ZBTB16: variants seen among roughly 807,000 people sequenced by gnomAD.
ZBTB16 encodes zinc finger and BTB domain-containing protein 16.
In ZBTB16, 8 loss-of-function variants were observed where a neutral mutation model predicts 56.8. The observed-to-expected ratio is 0.14, with a 90% CI of 0.08 to 0.25. The LOEUF (loss-of-function observed/expected upper bound fraction) is 0.25. Ranked by LOEUF, ZBTB16 falls within the 10% of genes least tolerant of loss-of-function variation. The pLI is 1.00. For synonymous variants in ZBTB16, 363 were observed against 368.5 expected, an observed-to-expected ratio of 0.98 and a Z score of 0.17; for missense variants, 625 against 903.0, an observed-to-expected ratio of 0.69 and a Z score of 3.95.
Position 114,242,260 on chromosome 11 carries a change from G to A in ZBTB16, c.1547G>A (p.Arg516His), listed in dbSNP as rs747796091. 3.1e-6 allele frequency: 5 copies of A among 1,613,944 alleles called. No individual in the cohort carries two copies. The highest frequency in any genetic ancestry group is 1.7e-5 in the Admixed American group (1 of 60,012). Reference sequence around the variant, plus strand: ...CACATGGAGGTCCACGCGGGCGTGCGCAGCTACATCTGCAGTGAGTGCAAC... The same window carrying A: ...CACATGGAGGTCCACGCGGGCGTGCACAGCTACATCTGCAGTGAGTGCAAC... ...QQHMEVHAGV[R>H]SYICSECNRT... Residue 516 changes from arginine (R) to histidine (H), a missense_variant, in exon 5 of 7, where the codon CGC becomes CAC. By Grantham distance (29) the Arg-to-His change is conservative (BLOSUM62 0). Around this residue, in one of 6 missense-constraint regions of ZBTB16, gnomAD observed 140 missense variants for 214.8 expected, o/e 0.65. Coordinates refer to ENST00000335953, the MANE Select transcript of ZBTB16 (RefSeq NM_006006.6).
At position 114,143,925 on chromosome 11, in the gene ZBTB16, G is replaced by A. The variant is rs536512497; in HGVS notation, c.1269-12412G>A. On this transcript the variant is annotated intron_variant, in intron 2 of 6. Coordinates refer to ENST00000335953, the MANE Select transcript of ZBTB16 (RefSeq NM_006006.6). This position sits in a 1 kb window ranked among gnomAD's most constrained non-coding sequence, Gnocchi z 6.4. ...TTGGCCTCTGTGCTCGTTGGGCCTC[G>A]AGTCACTGGTATTATGCATTTCCTG... 1.4e-4 allele frequency among the ~76,000 whole-genome samples: 21 copies of A among 152,274 alleles called. No homozygotes were observed. Among genetic ancestry groups the A allele is most frequent in the African/African-American group, 3.9e-4 (16 of 41,544 alleles).
intron 2 of ZBTB16, among the ~76,000 whole-genome samples, chr11:114,114,979 G>A (rs1941126991): frequency 1.3e-5 from 2 of 152,120 alleles, no homozygotes; most frequent in South Asian, 2.1e-4. Flanking sequence ...CACTGTGCCT[G>A]GCCCAGGTCG....
At chr11:114,243,018 C>T (rs1447002592) in intron 5 of ZBTB16, among the ~76,000 whole-genome samples, 1 of 152,174 alleles carries the variant, frequency 6.6e-6, no homozygotes, top group African/African-American at 2.4e-5. Flanking sequence ...TTCCCTGCCA[C>T]CAGCCTCTAG....
At chr11:114,247,432 C>T (rs1944837210) in intron 6 of ZBTB16, 67 bp downstream of exon 6, 2 of 1,602,774 alleles carry the variant, frequency 1.2e-6, no homozygotes, top group Admixed American at 1.7e-5. Context: ...AGCAGATAGT[C>T]TCCTAGAGAA....
intron 2 of ZBTB16, among the ~76,000 whole-genome samples, chr11:114,066,222 C>T (rs1394667881): frequency 6.6e-6 from 1 of 152,168 alleles, no homozygotes; most frequent in Admixed American, 6.5e-5. Context: ...GATCTCATCA[C>T]CCCTAGCCGG....
chr11:114,214,643 G>A (rs189600135), intron 4 of ZBTB16, among the ~76,000 whole-genome samples: 162 of 152,080 alleles, frequency 1.1e-3, no homozygotes, highest in Middle Eastern at 6.8e-3. Context: ...TTGCTCTGTC[G>A]CCCATCCTGG....
chr11:114,248,646 TGCC>T (rs1944859807), intron 6 of ZBTB16, among the ~76,000 whole-genome samples: 1 of 152,144 alleles, frequency 6.6e-6, no homozygotes, highest in South Asian at 2.1e-4. Flanking sequence ...GAGAGTACGT[TGCC>T]CTTGGAGGGG....
chr11:114,148,924 G>A (rs911456329), intron 2 of ZBTB16, among the ~76,000 whole-genome samples: 1 of 148,948 alleles, frequency 6.7e-6, no homozygotes, highest in African/African-American at 2.5e-5. Flanking sequence ...GTGTAGACAA[G>A]GTGAGTTTTT....
At chr11:114,061,108 C>A (rs1226688363) in intron 1 of ZBTB16, among the ~76,000 whole-genome samples, 2 of 151,830 alleles carry the variant, frequency 1.3e-5, no homozygotes, top group Admixed American at 6.6e-5. Context: ...CCCAAGTTTG[C>A]TGAAGTCGTC....
chr11:114,177,753 G>A (rs1334809002), intron 3 of ZBTB16, among the ~76,000 whole-genome samples: 1 of 152,146 alleles, frequency 6.6e-6, no homozygotes, highest in Non-Finnish European at 1.5e-5. Flanking sequence ...GAGATTAGAA[G>A]CAATGGTAAG....
chr11:114,159,941 G>GT lies in ZBTB16; in HGVS notation c.1366+3507_1366+3508insT, dbSNP rs1555145944. On this transcript the variant is annotated intron_variant, in intron 3 of 6. Coordinates refer to ENST00000335953, the MANE Select transcript of ZBTB16 (RefSeq NM_006006.6). ...CAGAACCCTGGGCGGGGGAGGCGGG[G>GT]GGGAGGCGAGCATTTTTTTTCAAAA... is the stretch of plus-strand genomic sequence containing the variant. Among the ~76,000 whole-genome samples the GT allele has an allele frequency of 1.4e-3, 202 of 146,046 alleles. 18 individuals are homozygous for GT. In the East Asian group the frequency reaches 0.016, roughly 12 times the overall value.
At chr11:114,230,838 C>G (rs138843255) in intron 4 of ZBTB16, among the ~76,000 whole-genome samples, 4 of 152,242 alleles carry the variant, frequency 2.6e-5, no homozygotes, top group African/African-American at 9.6e-5. Flanking sequence ...GCTCCCCTCC[C>G]CACTCCATTC....
intron 2 of ZBTB16, among the ~76,000 whole-genome samples, chr11:114,115,753 G>C (rs1439522350): frequency 6.6e-6 from 1 of 152,162 alleles, no homozygotes; most frequent in Non-Finnish European, 1.5e-5. Context: ...CACAACTGCT[G>C]TGGCTGTCCT....
rs551831782 is a variant in ZBTB16, at chr11:114,214,878, C to T, written c.1454-27289C>T. On this transcript the variant is annotated intron_variant, in intron 4 of 6. Transcript: ENST00000335953. ...TTTGAAATTATTTTTTTTCCTAAAGCAGAGAAGAAGGCACAAGTGAAGGAG... is the reference window on the plus strand; with the variant it reads ...TTTGAAATTATTTTTTTTCCTAAAGTAGAGAAGAAGGCACAAGTGAAGGAG... Among the ~76,000 whole-genome samples the T allele has an allele frequency of 3.3e-5, 5 of 151,858 alleles. No homozygotes were observed. The South Asian group carries it at 8.3e-4, about 25-fold the overall frequency.
chr11:114,181,847 C>G (rs911274409), intron 3 of ZBTB16, among the ~76,000 whole-genome samples: 1 of 152,186 alleles, frequency 6.6e-6, no homozygotes, highest in Non-Finnish European at 1.5e-5. Flanking sequence ...TAACTTCCCC[C>G]AGCCCCGCAT....
At chr11:114,100,061 G>T (rs1270767725) in intron 2 of ZBTB16, among the ~76,000 whole-genome samples, 1 of 152,220 alleles carries the variant, frequency 6.6e-6, no homozygotes, top group Admixed American at 6.5e-5. Context: ...CTGCATTCTT[G>T]AGTTGGTGCC....
chr11:114,242,450 C>A, intron 5 of ZBTB16, 113 bp downstream of exon 5: 1 of 1,465,900 alleles, frequency 6.8e-7, no homozygotes, highest in Non-Finnish European at 9.3e-7. Flanking sequence ...AGTCCTTCTG[C>A]TCAAGGCTTG....
At chr11:114,184,857 A>G (rs1310331899) in intron 3 of ZBTB16, among the ~76,000 whole-genome samples, 8 of 152,110 alleles carry the variant, frequency 5.3e-5, no homozygotes, top group Non-Finnish European at 1.2e-4. Context: ...ATACAAAACT[A>G]AAACACAGGC....
chr11:114,070,233 C>T (rs1029092605), intron 2 of ZBTB16, among the ~76,000 whole-genome samples: 17 of 150,854 alleles, frequency 1.1e-4, no homozygotes, highest in Non-Finnish European at 2.1e-4. Flanking sequence ...CTCAGCCTCC[C>T]GAGTAGCTGG....
Sources: allele counts gnomAD v4.1 joint callset (sites outside exome capture counted in the v4.1 genomes callset), GRCh38; gene constraint gnomAD v4.1.1; regional missense constraint gnomAD v4.1.1; non-coding constraint Gnocchi (gnomAD v3.1); transcripts MANE v1.5; gene names NCBI Gene and HGNC (gene_info 2026-07-23, HGNC 2026-07-21).